The following SMYD3 variants were observed in gnomAD, a reference collection of about 807,000 sequenced individuals.
SMYD3 encodes SET and MYND domain containing 3, also known as histone-lysine N-methyltransferase SMYD3.
A neutral mutation model predicts 57.7 loss-of-function variants in SMYD3; 36 were observed. That is an observed-to-expected ratio of 0.62 (90% CI 0.48 to 0.82). The LOEUF (loss-of-function observed/expected upper bound fraction) is 0.82. Among genes scored for constraint, SMYD3 ranks in the 40% least tolerant of loss-of-function variants. SMYD3 has a pLI of 0.00. For missense variants in SMYD3, 515 were observed against 538.8 expected (o/e 0.96, Z 0.44); for synonymous variants, 211 against 195.0 (o/e 1.08, Z -0.68).
chr1:246,459,281 CTTG>C (rs1558474584), intron 1 of SMYD3, among the ~76,000 whole-genome samples: 3 of 144,784 alleles, frequency 2.1e-5, no homozygotes, highest in South Asian at 2.2e-4. Context: ...CTCAAGAGAT[CTTG>C]TTATTTGAAA....
intron 1 of SMYD3, among the ~76,000 whole-genome samples, chr1:246,440,682 A>G (rs2067449160): frequency 6.6e-6 from 1 of 152,206 alleles, no homozygotes; most frequent in Non-Finnish European, 1.5e-5. Flanking sequence ...CGATGTGACT[A>G]AAAAGGAAAG....
chr1:246,001,554 A>C (rs1281713950), intron 5 of SMYD3, among the ~76,000 whole-genome samples: 1 of 152,170 alleles, frequency 6.6e-6, no homozygotes, highest in East Asian at 1.9e-4. Context: ...TCTAAGAAGC[A>C]TGGCTGTTTC....
chr1:246,208,837 T>A (rs1379438393), intron 5 of SMYD3, among the ~76,000 whole-genome samples: 2 of 151,792 alleles, frequency 1.3e-5, no homozygotes, highest in African/African-American at 2.4e-5. Flanking sequence ...TTAAACAGCA[T>A]GTGGAATGGG....
chr1:245,987,562 C>T (rs895763458), intron 5 of SMYD3, among the ~76,000 whole-genome samples: 5 of 152,218 alleles, frequency 3.3e-5, no homozygotes, highest in African/African-American at 1.2e-4. Context: ...CAGCTTCACG[C>T]TAAGAACTTC....
chr1:245,811,705 A>G (rs1387583423), intron 10 of SMYD3, among the ~76,000 whole-genome samples: 1 of 152,226 alleles, frequency 6.6e-6, no homozygotes, highest in Non-Finnish European at 1.5e-5. Flanking sequence ...GAGTGAACAC[A>G]TCTCTAATCA....
intron 7 of SMYD3, among the ~76,000 whole-genome samples, chr1:245,921,599 TA>T (rs1246332100): frequency 7.0e-6 from 1 of 143,148 alleles, no homozygotes; most frequent in East Asian, 2.5e-4. Flanking sequence ...TATGCAGCCA[TA>T]AAAAAGAATG....
chr1:245,803,968 G>T (rs888638253), intron 10 of SMYD3, among the ~76,000 whole-genome samples: 1 of 149,482 alleles, frequency 6.7e-6, no homozygotes, highest in Non-Finnish European at 1.5e-5. Context: ...GGCTGGAGTG[G>T]AGTGGCACAA....
At chr1:245,809,348 C>T (rs977823141) in intron 10 of SMYD3, among the ~76,000 whole-genome samples, 2 of 152,208 alleles carry the variant, frequency 1.3e-5, no homozygotes, top group Non-Finnish European at 2.9e-5. Flanking sequence ...CAGTGCTATG[C>T]CAGGCTTTCG....
intron 5 of SMYD3, among the ~76,000 whole-genome samples, chr1:246,046,073 C>T (rs1405264058): frequency 2.0e-5 from 3 of 152,182 alleles, no homozygotes; most frequent in Admixed American, 1.3e-4. Flanking sequence ...GTGGCAATTC[C>T]TCAGGGATCT....
At chr1:245,771,398 G>A (rs2046330983) in intron 10 of SMYD3, among the ~76,000 whole-genome samples, 1 of 152,090 alleles carries the variant, frequency 6.6e-6, no homozygotes, top group Non-Finnish European at 1.5e-5. Flanking sequence ...CAGGGCACTG[G>A]ATTTTACTTT....
At chr1:246,259,794 A>T (rs1464787979) in intron 5 of SMYD3, among the ~76,000 whole-genome samples, 1 of 152,244 alleles carries the variant, frequency 6.6e-6, no homozygotes, top group Non-Finnish European at 1.5e-5. Flanking sequence ...ACCAGCACTG[A>T]CAGAGAATCC....
At chr1:246,006,346 G>T (rs1474814572) in intron 5 of SMYD3, among the ~76,000 whole-genome samples, 1 of 152,112 alleles carries the variant, frequency 6.6e-6, no homozygotes, top group East Asian at 1.9e-4. Context: ...GGACAGGGGA[G>T]ACACGGGTGG....
chr1:246,459,060 G>A (rs191726999), intron 1 of SMYD3, among the ~76,000 whole-genome samples: 15 of 151,986 alleles, frequency 9.9e-5, no homozygotes, highest in Non-Finnish European at 5.9e-5. Context: ...CCTGATGGGG[G>A]GGTGACTGAA....
At chr1:246,332,977 T>C (rs982719346) in intron 3 of SMYD3, among the ~76,000 whole-genome samples, 1 of 152,214 alleles carries the variant, frequency 6.6e-6, no homozygotes, top group Non-Finnish European at 1.5e-5. Flanking sequence ...GAAGAAGATG[T>C]CACTTAGGAC....
chr1:246,136,518 A>C (rs900216451), intron 5 of SMYD3, among the ~76,000 whole-genome samples: 1 of 152,250 alleles, frequency 6.6e-6, no homozygotes, highest in African/African-American at 2.4e-5. Flanking sequence ...AAAAAAATGC[A>C]GGATAGAAGC....
intron 2 of SMYD3, among the ~76,000 whole-genome samples, chr1:246,337,122 G>C (rs2065555023): frequency 6.6e-6 from 1 of 152,202 alleles, no homozygotes; most frequent in African/African-American, 2.4e-5. Context: ...ACAAGCTTCT[G>C]TTGCTCAGGG....
chr1:246,039,973 A>ATTAT (rs1387851040), intron 5 of SMYD3, among the ~76,000 whole-genome samples: 1 of 152,244 alleles, frequency 6.6e-6, no homozygotes, highest in East Asian at 1.9e-4. Context: ...CGCAGCATTG[A>ATTAT]TTAGTACCAT....
At chr1:246,032,778 T>A (rs2059700710) in intron 5 of SMYD3, among the ~76,000 whole-genome samples, 2 of 152,178 alleles carry the variant, frequency 1.3e-5, no homozygotes, top group African/African-American at 4.8e-5. Context: ...TTCCAAACAC[T>A]GATACATGTA....
intron 5 of SMYD3, among the ~76,000 whole-genome samples, chr1:246,242,725 C>T (rs1324431440): frequency 1.3e-5 from 2 of 151,846 alleles, no homozygotes; most frequent in Non-Finnish European, 1.5e-5. Flanking sequence ...GAGAGACATA[C>T]ATAGGCTCAA....
Sources: gnomAD v4.1 joint callset for allele counts (sites outside exome capture counted in the v4.1 genomes callset) on GRCh38, gnomAD v4.1.1 for gene constraint, MANE v1.5 for transcripts, NCBI Gene and HGNC (gene_info 2026-07-23, HGNC 2026-07-21) for gene names.